Variants in ADAMTSL1 observed in about 807,000 individuals in gnomAD.
The protein encoded by ADAMTSL1 is ADAMTS-like protein 1.
Under a neutral mutation model 201.8 loss-of-function variants are expected in ADAMTSL1, and 126 were observed. That is an observed-to-expected ratio of 0.62 (90% confidence interval 0.54 to 0.72). The LOEUF (loss-of-function observed/expected upper bound fraction) is 0.72, where lower values mean the gene tolerates loss of function less well. ADAMTSL1 is among the 30% of genes least tolerant of loss of function. The pLI is 0.00. For synonymous variants in ADAMTSL1, 1,121 were observed against 903.4 expected (o/e 1.24, Z -4.32); for missense variants, 2,679 against 2,277.8 (o/e 1.18, Z -3.59).
intron 20 of ADAMTSL1, chr9:18,796,691 C>T (rs760519810): frequency 1.3e-5 from 2 of 152,198 alleles, no homozygotes; most frequent in Non-Finnish European, 2.9e-5. Context: ...ATTTAAGGAG[C>T]CCTGGGCCGG....
At chr9:18,409,455 C>CTAA (rs1023029271) in intron 2 of ADAMTSL1, among the ~76,000 whole-genome samples, 3 of 150,226 alleles carry the variant, frequency 2.0e-5, no homozygotes, top group African/African-American at 7.3e-5. Flanking sequence ...AGGGATTTAC[C>CTAA]TAAGATCCCA....
At chr9:17,953,986 A>C (rs1480425707) in intron 1 of ADAMTSL1, among the ~76,000 whole-genome samples, 7 of 152,104 alleles carry the variant, frequency 4.6e-5, no homozygotes. Context: ...TTTTTTCTAC[A>C]TCACGTGCCT....
At chr9:17,916,626 G>T (rs983058634) in intron 1 of ADAMTSL1, among the ~76,000 whole-genome samples, 13 of 152,098 alleles carry the variant, frequency 8.5e-5, no homozygotes, top group Non-Finnish European at 1.6e-4. Context: ...CCACACACGC[G>T]TAGGTCTATT....
chr9:18,793,777 G>C (rs1460606202), intron 19 of ADAMTSL1, among the ~76,000 whole-genome samples: 1 of 151,502 alleles, frequency 6.6e-6, no homozygotes, highest in Non-Finnish European at 1.5e-5. Context: ...GAGCTTCTGA[G>C]CTTCTCCATT....
chr9:18,551,546 A>AT (rs34453171), intron 3 of ADAMTSL1, among the ~76,000 whole-genome samples: 62 of 143,916 alleles, frequency 4.3e-4, no homozygotes, highest in South Asian at 2.4e-3. Context: ...TTACCGCTGA[A>AT]TTTTTTTTTT....
chr9:18,796,802 A>G (rs2131054672), intron 20 of ADAMTSL1: 1 of 152,298 alleles, frequency 6.6e-6, no homozygotes, highest in East Asian at 1.9e-4. Flanking sequence ...CTTTATACAG[A>G]GTCCAGATGC....
intron 1 of ADAMTSL1, among the ~76,000 whole-genome samples, chr9:18,100,832 GA>G (rs1460697202): frequency 2.0e-5 from 3 of 152,168 alleles, no homozygotes; most frequent in African/African-American, 7.2e-5. Context: ...CTTCTGTTCT[GA>G]AATTGACCTC....
intron 2 of ADAMTSL1, among the ~76,000 whole-genome samples, chr9:18,438,659 C>T (rs1021998545): frequency 1.3e-5 from 2 of 152,196 alleles, no homozygotes; most frequent in African/African-American, 4.8e-5. Context: ...CCGCAGGCTT[C>T]CTCCTCGCCG....
At chr9:18,548,594 T>A (rs535106994) in intron 3 of ADAMTSL1, among the ~76,000 whole-genome samples, 1 of 152,184 alleles carries the variant, frequency 6.6e-6, no homozygotes, top group African/African-American at 2.4e-5. Flanking sequence ...TTAATTAAAA[T>A]GTTGTGACCA....
At chr9:18,029,837 C>G (rs143516938) in intron 1 of ADAMTSL1, among the ~76,000 whole-genome samples, 6,137 of 152,192 alleles carry the variant, frequency 0.04, 352 homozygotes, top group African/African-American at 0.13. Context: ...CAAATCAAAA[C>G]CACAATGAGA....
At chr9:18,457,416 C>T (rs1233863991) in intron 2 of ADAMTSL1, among the ~76,000 whole-genome samples, 3 of 152,172 alleles carry the variant, frequency 2.0e-5, no homozygotes, top group Admixed American at 1.3e-4. Flanking sequence ...ACTGCAGCCT[C>T]AAGCTCCTAG....
At chr9:18,168,517 G>T (rs1827738047) in intron 2 of ADAMTSL1, among the ~76,000 whole-genome samples, 1 of 151,834 alleles carries the variant, frequency 6.6e-6, no homozygotes, top group African/African-American at 2.4e-5. Flanking sequence ...TCTTAATCCA[G>T]TCTATCATTG....
intron 26 of ADAMTSL1, among the ~76,000 whole-genome samples, chr9:18,903,964 CTT>C (rs34983014): frequency 2.0e-5 from 3 of 149,544 alleles, no homozygotes; most frequent in East Asian, 2.0e-4. Flanking sequence ...GTTTTAATCA[CTT>C]TTTTTTTTTA....
At chr9:18,004,861 C>G (rs1819750651) in intron 1 of ADAMTSL1, among the ~76,000 whole-genome samples, 2 of 152,008 alleles carry the variant, frequency 1.3e-5, no homozygotes, top group Admixed American at 1.3e-4. Flanking sequence ...AATTTAGGTG[C>G]CAAAAAGTGA....
chr9:18,298,545 G>A (rs906605096), intron 2 of ADAMTSL1, among the ~76,000 whole-genome samples: 3 of 152,004 alleles, frequency 2.0e-5, no homozygotes, highest in African/African-American at 4.8e-5. Context: ...GTGTGTGCAC[G>A]TGTGTGTCCG....
At chr9:18,760,700 C>G (rs1169607873) in intron 16 of ADAMTSL1, among the ~76,000 whole-genome samples, 1 of 152,060 alleles carries the variant, frequency 6.6e-6, no homozygotes, top group Non-Finnish European at 1.5e-5. Context: ...AATCTAATGT[C>G]TCAGAATAAT....
chr9:17,949,526 C>T (rs544187019), intron 1 of ADAMTSL1, among the ~76,000 whole-genome samples: 105 of 152,248 alleles, frequency 6.9e-4, no homozygotes, highest in African/African-American at 2.3e-3. Flanking sequence ...TTTGCTTTTC[C>T]CTTTTATTAA....
intron 20 of ADAMTSL1, among the ~76,000 whole-genome samples, chr9:18,814,351 G>A (rs1823701341): frequency 6.6e-6 from 1 of 151,964 alleles, no homozygotes; most frequent in South Asian, 2.1e-4. Flanking sequence ...CTTCCTTTTT[G>A]TTATTGTGTC....
At chr9:18,876,943 T>C (rs1350156907) in intron 23 of ADAMTSL1, among the ~76,000 whole-genome samples, 1 of 152,190 alleles carries the variant, frequency 6.6e-6, no homozygotes, top group Non-Finnish European at 1.5e-5. Context: ...CTTTGTTCAT[T>C]TGTTTTAATC....
Sources: allele counts gnomAD v4.1 joint callset (sites outside exome capture counted in the v4.1 genomes callset), GRCh38; gene constraint gnomAD v4.1.1; transcripts MANE v1.5; gene names NCBI Gene and HGNC (gene_info 2026-07-23, HGNC 2026-07-21).